The following IQCH variants were observed in gnomAD, a reference collection of about 807,000 sequenced individuals.
IQCH encodes the protein IQ domain-containing protein H.
A neutral mutation model predicts 117.0 loss-of-function variants in IQCH; 98 were observed. The ratio of observed to expected loss-of-function variants is 0.84; its 90% CI spans 0.71 to 0.99. The LOEUF (loss-of-function observed/expected upper bound fraction) is 0.99, where lower values mean the gene tolerates loss of function less well. Ranked by LOEUF, IQCH falls within the 50% of genes least tolerant of loss-of-function variation. The pLI is 0.00. For synonymous variants in IQCH, 412 were observed against 448.2 expected (o/e 0.92, Z 1.02); for missense variants, 1,102 against 1,243.8 (o/e 0.89, Z 1.72).
At chr15:67,261,185 G>A in intron 1 of IQCH, 87 bp from the exon 2 acceptor site, 1 of 895,686 alleles carries the variant, frequency 1.1e-6, no homozygotes. Context: ...ACCAATTCAA[G>A]TACATTGCAA....
intron 6 of IQCH, 145 bp from the exon 7 acceptor site, chr15:67,357,200 C>T (rs1969923499): frequency 3.1e-6 from 2 of 638,978 alleles, no homozygotes; most frequent in Non-Finnish European, 5.7e-6. Flanking sequence ...ATAGCTGTTT[C>T]ATTGAATGAA....
rs1023899629 is a variant in IQCH at position 67,427,006 on chromosome 15, T to C, written c.2505+5429T>C. Among the ~76,000 whole-genome samples, 1 of 149,258 alleles carries C rather than the reference T, an allele frequency of 6.7e-6. No homozygotes were observed. The highest frequency in any genetic ancestry group is 2.1e-4 in the South Asian group (1 of 4,696). ...CCAAAAAAAAAAAAGAAGAAGAAAA[T>C]CCCAGAAACAGGAGGATCAAGATAG... On this transcript the variant is annotated intron_variant, in intron 16 of 20. Transcript: ENST00000335894. The surrounding 1 kb of genome is among the most constrained non-coding windows in gnomAD (Gnocchi z 4.7).
At chr15:67,461,396 C>A (rs1021701385) in intron 16 of IQCH, among the ~76,000 whole-genome samples, 1 of 152,156 alleles carries the variant, frequency 6.6e-6, no homozygotes, top group Non-Finnish European at 1.5e-5. Context: ...TGCGAATGCA[C>A]CCTGCTGCGT....
intron 18 of IQCH, among the ~76,000 whole-genome samples, chr15:67,488,133 C>T (rs1441490357): frequency 7.2e-5 from 11 of 152,052 alleles, no homozygotes; most frequent in East Asian, 1.9e-4. Flanking sequence ...AGCAACAAGG[C>T]AAAACCCTAT....
In IQCH at chr15:67,411,583, T is replaced by C. The variant is rs1474626451; in HGVS notation, c.2098-5348T>C. Among the ~76,000 whole-genome samples, 2 of 152,168 alleles carry C rather than the reference T, an allele frequency of 1.3e-5. No homozygotes were observed. The highest frequency in any genetic ancestry group is 2.9e-5 in the Non-Finnish European group (2 of 68,026). On this transcript the variant is annotated intron_variant, in intron 14 of 20. Transcript: ENST00000335894. This position sits in a 1 kb window ranked among gnomAD's most constrained non-coding sequence, Gnocchi z 4.4. ...AGGTGATTAACCAAAAAGTTATTAA[T>C]TCACCACTGCAGATTGGCACATGAC...
intron 10 of IQCH, among the ~76,000 whole-genome samples, chr15:67,374,429 T>G (rs915766406): frequency 3.9e-5 from 6 of 152,204 alleles, no homozygotes; most frequent in Non-Finnish European, 7.3e-5. Context: ...CATAACCAGT[T>G]TGTGTACTTA....
rs114714402 is a variant in IQCH at position 67,306,837 on chromosome 15, A to T, written c.387+27325A>T. 9.7e-4 allele frequency: 1,492 copies of T among 1,533,232 alleles called. 10 individuals carry two copies. The African/African-American group carries it at 0.016, about 17-fold the overall frequency. The allele number at this position is 1,533,232 out of a possible 1,614,324, so 95.0% of individuals were successfully genotyped here. A position where few individuals can be genotyped will look rare whatever the true frequency, so the allele number is the denominator to read the frequency against. On this transcript the variant is annotated intron_variant, in intron 4 of 20. Coordinates refer to ENST00000335894, the MANE Select transcript of IQCH (RefSeq NM_001031715.3). ...AACATTTTTTCTAGTAGGTCCTCAA[A>T]GGTATGTGGAAACAAGAAGAAATCC... is the stretch of plus-strand genomic sequence containing the variant.
chr15:67,402,721 TAGAA>T (rs1971715225), intron 14 of IQCH, among the ~76,000 whole-genome samples: 2 of 152,320 alleles, frequency 1.3e-5, no homozygotes, highest in Admixed American at 1.3e-4. Flanking sequence ...GGAGAATTAT[TAGAA>T]AGGAGAATAT....
In IQCH at chr15:67,405,496, T is replaced by C. The variant is rs1971860314; in HGVS notation, c.2097+5191T>C. The stretch of plus-strand genomic sequence containing the variant: ...TAAGCACGTTACATGAATTGTCTCA[T>C]TTAAACTCAGAAAAACCCTGAGGTT... On this transcript the variant is annotated intron_variant, in intron 14 of 20. Coordinates refer to ENST00000335894, the MANE Select transcript of IQCH (RefSeq NM_001031715.3). This position sits in a 1 kb window ranked among gnomAD's most constrained non-coding sequence, Gnocchi z 4.8. 6.6e-6 allele frequency: 1 copy of C among 152,246 alleles called. No homozygotes were observed. Among genetic ancestry groups the C allele is most frequent in the African/African-American group, 2.4e-5 (1 of 41,460 alleles). The allele number at this position is 152,246 out of a possible 1,614,324, so 9.4% of individuals were successfully genotyped here.
At chr15:67,397,563 A>G (rs1460418062) in intron 13 of IQCH, among the ~76,000 whole-genome samples, 1 of 152,222 alleles carries the variant, frequency 6.6e-6, no homozygotes, top group East Asian at 1.9e-4. Flanking sequence ...GCATGTCAGC[A>G]TTTTGAATCT....
rs1456845964 is a variant in IQCH, at chr15:67,476,569, C to T, written c.2799+751C>T. ...TTTCTGAAGGGAGTTCTGATAAAAA[C>T]CATTTTCTCTACTTTTGGTCTATTT... is the stretch of plus-strand genomic sequence containing the variant. On this transcript the variant is annotated intron_variant, in intron 18 of 20. Transcript: ENST00000335894. This position sits in a 1 kb window ranked among gnomAD's most constrained non-coding sequence, Gnocchi z 4.1. Among the ~76,000 whole-genome samples the T allele has an allele frequency of 6.6e-6, 1 of 152,168 alleles. No individual in the cohort carries two copies.
At chr15:67,318,587 CTCT>C (rs1967962247) in intron 4 of IQCH, among the ~76,000 whole-genome samples, 3 of 152,246 alleles carry the variant, frequency 2.0e-5, no homozygotes, top group East Asian at 3.9e-4. Context: ...GGCAAAAGGC[CTCT>C]TTTTTTCCCC....
At chr15:67,423,553 A>C (rs2081802967) in intron 16 of IQCH, among the ~76,000 whole-genome samples, 2 of 148,100 alleles carry the variant, frequency 1.4e-5, no homozygotes, top group African/African-American at 5.0e-5. Context: ...GCATCACTGC[A>C]CTCCAGTCTG....
intron 15 of IQCH, among the ~76,000 whole-genome samples, chr15:67,420,338 G>C (rs1030522882): frequency 6.6e-6 from 1 of 152,098 alleles, no homozygotes; most frequent in Non-Finnish European, 1.5e-5. Context: ...ACACCTGTAG[G>C]CAGAGGTCAC....
chr15:67,329,106 C>T (rs1048842043), intron 4 of IQCH, among the ~76,000 whole-genome samples: 1 of 152,058 alleles, frequency 6.6e-6, no homozygotes, highest in African/African-American at 2.4e-5. Context: ...TAAGACTAGC[C>T]TGGACACCAT....
In IQCH at chr15:67,494,376, TAA is replaced by T; in HGVS notation, c.2970+11_2970+12del. The stretch of plus-strand genomic sequence containing the variant: ...CGAGACCAATTTTAAGGTGAGGTGT[TAA>T]TTAACTAACGATTCTGGTTAATTTC... On this transcript the variant is annotated intron_variant, in intron 20 of 20. Transcript: ENST00000335894. The surrounding 1 kb of genome is among the most constrained non-coding windows in gnomAD (Gnocchi z 5.5). The T allele has an allele frequency of 6.4e-7, 1 of 1,554,708 alleles. No homozygotes were observed. The highest frequency in any genetic ancestry group is 8.9e-7 in the Non-Finnish European group (1 of 1,129,598).
chr15:67,341,083 G>A (rs756105419), intron 5 of IQCH, among the ~76,000 whole-genome samples: 10 of 152,154 alleles, frequency 6.6e-5, no homozygotes, highest in Non-Finnish European at 1.2e-4. Context: ...GTATGGTGGT[G>A]AACCTGTAGT....
Position 67,431,165 on chromosome 15 carries a change from C to A in IQCH, c.2505+9588C>A, listed in dbSNP as rs1235614553. ...GATAAAAATGATGATCTAAGTCTTACAAATATCATGTTGGATTCACCTCAA... is the reference window on the plus strand; with the variant it reads ...GATAAAAATGATGATCTAAGTCTTAAAAATATCATGTTGGATTCACCTCAA... On this transcript the variant is annotated intron_variant, in intron 16 of 20. Coordinates refer to ENST00000335894, the MANE Select transcript of IQCH (RefSeq NM_001031715.3). The surrounding 1 kb of genome is among the most constrained non-coding windows in gnomAD (Gnocchi z 4.8). Among the ~76,000 whole-genome samples, 1 of 152,094 alleles carries A rather than the reference C, an allele frequency of 6.6e-6. No individual in the cohort carries two copies. Among genetic ancestry groups the A allele is most frequent in the Non-Finnish European group, 1.5e-5 (1 of 68,014 alleles).
At chr15:67,270,024 T>C (rs1190275044) in intron 3 of IQCH, among the ~76,000 whole-genome samples, 3 of 152,170 alleles carry the variant, frequency 2.0e-5, no homozygotes, top group South Asian at 4.1e-4. Context: ...CTGGGTCTTA[T>C]GGTAGTTCTA....
Sources: allele counts gnomAD v4.1 joint callset (sites outside exome capture counted in the v4.1 genomes callset), GRCh38; gene constraint gnomAD v4.1.1; non-coding constraint Gnocchi (gnomAD v3.1); transcripts MANE v1.5; gene names NCBI Gene and HGNC (gene_info 2026-07-23, HGNC 2026-07-21).